The following DLGAP1 variants were observed in gnomAD, a reference collection of about 807,000 sequenced individuals.
The protein encoded by DLGAP1 is disks large-associated protein 1.
DLGAP1 carries 11 observed loss-of-function variants against 90.8 expected under a neutral mutation model. That is an observed-to-expected ratio of 0.12 (90% CI 0.08 to 0.20). The LOEUF (loss-of-function observed/expected upper bound fraction) is 0.20. Ranked by LOEUF, DLGAP1 falls within the 10% of genes least tolerant of loss-of-function variation. The probability of loss-of-function intolerance (pLI) is 1.00; values close to 1 mark genes in which losing one functional copy is unlikely to be tolerated. For synonymous variants in DLGAP1, 558 were observed against 540.7 expected (o/e 1.03, Z -0.44); for missense variants, 1,050 against 1,333.8 (o/e 0.79, Z 3.31).
chr18:4,341,697 T>C (rs1014085913), intron 1 of DLGAP1, among the ~76,000 whole-genome samples: 2 of 152,032 alleles, frequency 1.3e-5, no homozygotes, highest in Non-Finnish European at 1.5e-5. Context: ...TATCAAGAAG[T>C]AGGAATAATA....
intron 9 of DLGAP1, among the ~76,000 whole-genome samples, chr18:3,558,563 AGGTG>A (rs2053892905): frequency 6.6e-6 from 1 of 152,152 alleles, no homozygotes; most frequent in South Asian, 2.1e-4. Context: ...CTCTGTTGGT[AGGTG>A]CATACATGTT....
At chr18:3,688,664 CA>C (rs1598356706) in intron 7 of DLGAP1, among the ~76,000 whole-genome samples, 4 of 46,114 alleles carry the variant, frequency 8.7e-5, no homozygotes, top group African/African-American at 6.0e-4. Context: ...CACACACACA[CA>C]CACCCTACCA....
chr18:3,998,017 C>A (rs942518154), intron 3 of DLGAP1, among the ~76,000 whole-genome samples: 4 of 152,072 alleles, frequency 2.6e-5, no homozygotes, highest in Non-Finnish European at 5.9e-5. Context: ...CAAAATACCC[C>A]ACAGGTGGTG....
intron 2 of DLGAP1, among the ~76,000 whole-genome samples, chr18:4,143,449 T>C (rs2076529371): frequency 1.3e-5 from 2 of 151,452 alleles, no homozygotes; most frequent in Non-Finnish European, 2.9e-5. Flanking sequence ...TCACTCAAGG[T>C]CCAAGGGCTC....
chr18:4,053,469 G>A (rs2143127360), intron 2 of DLGAP1, among the ~76,000 whole-genome samples: 1 of 152,244 alleles, frequency 6.6e-6, no homozygotes, highest in Non-Finnish European at 1.5e-5. Flanking sequence ...TGAAGATTAT[G>A]GGAACTGCAA....
intron 7 of DLGAP1, among the ~76,000 whole-genome samples, chr18:3,709,245 C>T (rs2061530157): frequency 1.3e-5 from 2 of 152,118 alleles, no homozygotes; most frequent in African/African-American, 4.8e-5. Context: ...GCACTCCAAC[C>T]CCCTACACAC....
chr18:3,523,368 C>T (rs2051342567), intron 10 of DLGAP1, among the ~76,000 whole-genome samples: 1 of 150,092 alleles, frequency 6.7e-6, no homozygotes, highest in South Asian at 2.1e-4. Context: ...CAGAGCAAGG[C>T]TCCATCTCAA....
chr18:4,296,812 T>G (rs1041135564), intron 1 of DLGAP1, among the ~76,000 whole-genome samples: 4 of 152,186 alleles, frequency 2.6e-5, no homozygotes, highest in Non-Finnish European at 5.9e-5. Context: ...CCATTACCTG[T>G]GCACTGAAAG....
At chr18:3,894,535 G>A (rs1373441773) in intron 3 of DLGAP1, among the ~76,000 whole-genome samples, 2 of 151,922 alleles carry the variant, frequency 1.3e-5, no homozygotes, top group African/African-American at 4.8e-5. Flanking sequence ...TTTGTTTTTT[G>A]TTCCATTGAT....
chr18:4,166,246 A>T (rs1294943164), intron 1 of DLGAP1, among the ~76,000 whole-genome samples: 1 of 152,212 alleles, frequency 6.6e-6, no homozygotes, highest in Non-Finnish European at 1.5e-5. Flanking sequence ...GAATATATAC[A>T]AATGACCAAT....
At chr18:4,156,023 C>T (rs2076750195) in intron 1 of DLGAP1, among the ~76,000 whole-genome samples, 4 of 152,110 alleles carry the variant, frequency 2.6e-5, no homozygotes. Flanking sequence ...TTGACAGGAC[C>T]TTTTGATGGA....
At chr18:4,432,019 A>G (rs2083293761) in intron 1 of DLGAP1, among the ~76,000 whole-genome samples, 1 of 152,228 alleles carries the variant, frequency 6.6e-6, no homozygotes, top group Admixed American at 6.5e-5. Context: ...GTATAGATAC[A>G]ACTTCCGTTT....
intron 2 of DLGAP1, among the ~76,000 whole-genome samples, chr18:4,135,392 T>A (rs972639231): frequency 8.5e-5 from 13 of 152,152 alleles, no homozygotes; most frequent in African/African-American, 3.1e-4. Flanking sequence ...GGTCAATAAG[T>A]CAGGTCTGAG....
chr18:3,581,080 A>G (rs1010433701), intron 8 of DLGAP1, among the ~76,000 whole-genome samples: 4 of 151,254 alleles, frequency 2.6e-5, no homozygotes, highest in African/African-American at 9.7e-5. Flanking sequence ...CTAGGCTTGA[A>G]CCCCACAGCG....
In DLGAP1 at chr18:4,278,473, T is replaced by C. The variant is rs535140797; in HGVS notation, c.-266-127186A>G. ...ACTCTTCCCAGTCTCCAGTGATTAT[T>C]AGTTCACACTCTATGTCCATGTGTA... On this transcript the variant is annotated intron_variant, in intron 1 of 12. Coordinates refer to ENST00000315677, the MANE Select transcript of DLGAP1 (RefSeq NM_004746.4). Among the ~76,000 whole-genome samples the C allele has an allele frequency of 7.9e-5, 12 of 152,266 alleles. No homozygotes were observed. In the South Asian group the frequency reaches 2.5e-3, roughly 32 times the overall value.
At chr18:3,782,006 A>G (rs1369431776) in intron 5 of DLGAP1, among the ~76,000 whole-genome samples, 1 of 151,042 alleles carries the variant, frequency 6.6e-6, no homozygotes, top group African/African-American at 2.4e-5. Flanking sequence ...TAAAAACTCT[A>G]CGGGAGATTC....
chr18:3,964,489 A>G (rs1178143777), intron 3 of DLGAP1, among the ~76,000 whole-genome samples: 1 of 152,168 alleles, frequency 6.6e-6, no homozygotes, highest in Non-Finnish European at 1.5e-5. Context: ...TGTTCAATAA[A>G]TAGATGACAG....
intron 1 of DLGAP1, among the ~76,000 whole-genome samples, chr18:4,375,673 T>G (rs979104611): frequency 1.2e-4 from 18 of 152,286 alleles, no homozygotes; most frequent in African/African-American, 3.6e-4. Flanking sequence ...CTCTCATCAC[T>G]GTGAGTTTTA....
intron 2 of DLGAP1, among the ~76,000 whole-genome samples, chr18:4,017,192 C>A (rs1268864276): frequency 6.6e-6 from 1 of 152,172 alleles, no homozygotes; most frequent in Non-Finnish European, 1.5e-5. Flanking sequence ...AAATATGTTG[C>A]ACATCATCTC....
Sources: allele counts gnomAD v4.1 joint callset (sites outside exome capture counted in the v4.1 genomes callset), GRCh38; gene constraint gnomAD v4.1.1; transcripts MANE v1.5; gene names NCBI Gene and HGNC (gene_info 2026-07-23, HGNC 2026-07-21).